The following C22orf23 variants were observed in gnomAD, a reference collection of about 807,000 sequenced individuals.
C22orf23 encodes the protein chromosome 22 open reading frame 23, also known as UPF0193 protein EVG1.
Under a neutral mutation model 29.7 loss-of-function variants are expected in C22orf23, and 30 were observed. That is an observed-to-expected ratio of 1.01 (90% CI 0.76 to 1.37). The LOEUF (loss-of-function observed/expected upper bound fraction) is 1.37, where lower values mean the gene tolerates loss of function less well. C22orf23 is among the 40% of genes most tolerant of loss of function. The probability of loss-of-function intolerance (pLI) is 0.00; values close to 1 mark genes in which losing one functional copy is unlikely to be tolerated. For synonymous variants in C22orf23, 90 were observed against 96.1 expected, an observed-to-expected ratio of 0.94 and a Z score of 0.37; for missense variants, 237 against 273.1, an observed-to-expected ratio of 0.87 and a Z score of 0.93.
At chr22:37,944,394 A>G (rs1190451559) in intron 6 of C22orf23, 23 bp downstream of exon 6, 2 of 1,613,606 alleles carry the variant, frequency 1.2e-6, no homozygotes, top group Middle Eastern at 1.7e-4. Context: ...TCCCCTCCCC[A>G]CTTTCCTGGT....
At chr22:37,946,411 G>A (rs1013750780) in intron 4 of C22orf23, among the ~76,000 whole-genome samples, 13 of 151,664 alleles carry the variant, frequency 8.6e-5, no homozygotes, top group Non-Finnish European at 1.0e-4. Context: ...GGGTGACAGC[G>A]CGAGACTCCG....
At chr22:37,944,374 G>C in intron 6 of C22orf23, 43 bp downstream of exon 6, 1 of 1,613,716 alleles carries the variant, frequency 6.2e-7, no homozygotes, top group Non-Finnish European at 8.5e-7. Flanking sequence ...CGCACTTGGC[G>C]CTGGGCCCTT....
At chr22:37,944,688 C>T (rs758874854) in intron 5 of C22orf23, 171 bp from the exon 6 acceptor site, 2 of 607,724 alleles carry the variant, frequency 3.3e-6, no homozygotes, top group Non-Finnish European at 5.7e-6. Context: ...ATCACGAGGT[C>T]AGGAGTTCGA....
chr22:37,949,704 C>T (rs1930905769), intron 3 of C22orf23, among the ~76,000 whole-genome samples: 2 of 151,928 alleles, frequency 1.3e-5, no homozygotes, highest in South Asian at 4.1e-4. Context: ...GGTGATCTGC[C>T]TGTCTCGGCC....
Position 37,945,192 on chromosome 22 carries a change from A to G in C22orf23, c.350-19T>C. 6.2e-7 allele frequency: 1 copy of G among 1,607,120 alleles called. No homozygotes were observed. The highest frequency in any genetic ancestry group is 8.5e-7 in the Non-Finnish European group (1 of 1,177,308). ...AAATCCCCTGTAGGGCCAAAAAGAA[A>G]TGGCCTAGTTAGGCTGTAAAGGGTG... is the stretch of plus-strand genomic sequence containing the variant. On this transcript the variant is annotated intron_variant, in intron 4 of 6. Transcript: ENST00000403305.
At chr22:37,951,346 C>T in intron 3 of C22orf23, 114 bp downstream of exon 3, 1 of 945,020 alleles carries the variant, frequency 1.1e-6, no homozygotes, top group Non-Finnish European at 1.7e-6. Context: ...GAGCCACGTG[C>T]CCGGCTGTCT....
intron 3 of C22orf23, among the ~76,000 whole-genome samples, chr22:37,950,750 C>T (rs1946912547): frequency 6.6e-6 from 1 of 151,606 alleles, no homozygotes; most frequent in African/African-American, 2.4e-5. Context: ...ACTAAAAATA[C>T]AAAAATTAAG....
At position 37,953,121 on chromosome 22, in the gene C22orf23, AC is replaced by A; in HGVS notation, c.28del (p.Val10Ter). ...GCGCCGGAACCCAGTTCCTTTGGTCACTACCTCCATCTGCTTCTGTGAAGCC... is the reference window on the plus strand; with the variant it reads ...GCGCCGGAACCCAGTTCCTTTGGTCATACCTCCATCTGCTTCTGTGAAGCC... MASQKQMEV[V>X]TKGTGFRRRP... On this transcript the variant is annotated frameshift_variant, in exon 2 of 7. Transcript: ENST00000403305. LOFTEE classifies it high-confidence loss of function. 1 of 1,613,912 alleles carries A rather than the reference AC, an allele frequency of 6.2e-7. No homozygotes were observed. Among genetic ancestry groups the A allele is most frequent in the Non-Finnish European group, 8.5e-7 (1 of 1,179,912 alleles).
Position 37,951,520 on chromosome 22 carries a change from T to G in C22orf23, c.106A>C (p.Met36Leu). Residue 36 changes from methionine to leucine, a missense_variant and splice_region_variant, in exon 3 of 7, where the codon ATG (methionine) becomes CTG (leucine). By Grantham distance (15) the Met-to-Leu change is conservative. Transcript: ENST00000403305. ...TTCGTCAGTTTGGATTCCTTCATCA[T>G]CACTGCACGACAAAGCATTCTATGA... ...TPGTCELLRVMMKESKLTNIQ... is the reference protein window; with the variant it reads ...TPGTCELLRVLMKESKLTNIQ... The G allele has an allele frequency of 6.2e-7, 1 of 1,613,956 alleles. No individual in the cohort carries two copies. The highest frequency in any genetic ancestry group is 8.5e-7 in the Non-Finnish European group (1 of 1,179,942).
At position 37,944,258 on chromosome 22, in the gene C22orf23, A is replaced by G. The variant is rs765216089; in HGVS notation, c.583-12T>C. On this transcript the variant is annotated splice_polypyrimidine_tract_variant and intron_variant, in intron 6 of 6. Transcript: ENST00000403305. ...ATTTCCCGGAGTTTCTGCAAAGGGC[A>G]TCAGGGAAAGCAGGTGTATCAGGGC... 6.2e-7 allele frequency: 1 copy of G among 1,614,220 alleles called. No homozygotes were observed. Among genetic ancestry groups the G allele is most frequent in the East Asian group, 2.2e-5 (1 of 44,884 alleles).
intron 4 of C22orf23, among the ~76,000 whole-genome samples, chr22:37,946,176 G>A (rs1335613184): frequency 6.6e-6 from 1 of 151,502 alleles, no homozygotes; most frequent in African/African-American, 2.4e-5. Context: ...GGAGAATGGC[G>A]TGAACCTGGG....
chr22:37,944,443 C>G lies in C22orf23; in HGVS notation c.556G>C (p.Gly186Arg). 6.2e-7 allele frequency: 1 copy of G among 1,614,146 alleles called. No individual in the cohort carries two copies. Residue 186 changes from glycine to arginine, a missense_variant, in exon 6 of 7, where the codon GGA becomes CGA. Physicochemically the swap from Gly to Arg is moderately radical, Grantham distance 125. Transcript: ENST00000403305. ...TGGGAGATTTCAGCAAGGATGATTC[C>G]TCGGTACTGTTTGCCCTGTCCCAGG... ...EALGQGKQYR[G>R]IILAEISQKL... is the part of the protein sequence containing the mutation.
chr22:37,952,785 C>T (rs554991119), intron 2 of C22orf23: 187 of 382,586 alleles, frequency 4.9e-4, no homozygotes, highest in African/African-American at 3.6e-3. Context: ...AGGTGAGCGG[C>T]AGGCTAGCGA....
chr22:37,946,567 C>CGACACTGTCTCAAA, intron 4 of C22orf23, among the ~76,000 whole-genome samples: 1 of 139,262 alleles, frequency 7.2e-6, no homozygotes, highest in South Asian at 2.3e-4. Flanking sequence ...AGAATGAGAG[C>CGACACTGTCTCAAA]GACACTGTCT....
intron 3 of C22orf23, 165 bp downstream of exon 3, chr22:37,951,295 A>G (rs1930997576): frequency 1.6e-6 from 1 of 629,748 alleles, no homozygotes; most frequent in Admixed American, 2.9e-5. Context: ...GGCTTAAGCC[A>G]TCCTCCCACC....
intron 5 of C22orf23, chr22:37,944,831 T>G (rs1930598862): frequency 1.7e-6 from 1 of 595,670 alleles, no homozygotes. Flanking sequence ...ACCTGGGAAG[T>G]GGAGGCTGCA....
intron 2 of C22orf23, 84 bp from the exon 3 acceptor site, chr22:37,951,606 C>T (rs1015230058): frequency 1.9e-5 from 23 of 1,195,298 alleles, no homozygotes; most frequent in East Asian, 1.4e-4. Flanking sequence ...TAAAACCCTA[C>T]ATCCTAGCCC....
intron 3 of C22orf23, among the ~76,000 whole-genome samples, chr22:37,950,763 G>A (rs1350215352): frequency 1.3e-5 from 2 of 151,140 alleles, no homozygotes; most frequent in Non-Finnish European, 3.0e-5. Flanking sequence ...AAATTAAGCC[G>A]GGCATGGTGG....
At chr22:37,946,059 C>A (rs544917996) in intron 4 of C22orf23, among the ~76,000 whole-genome samples, 2 of 151,898 alleles carry the variant, frequency 1.3e-5, no homozygotes, top group East Asian at 2.0e-4. Flanking sequence ...GAGATCAAGA[C>A]CATCCTGGCT....
Sources: gnomAD v4.1 joint callset for allele counts (sites outside exome capture counted in the v4.1 genomes callset) on GRCh38, gnomAD v4.1.1 for gene constraint, MANE v1.5 for transcripts, NCBI Gene and HGNC (gene_info 2026-07-23, HGNC 2026-07-21) for gene names.